PRKG1: variants seen among roughly 807,000 people sequenced by gnomAD.
The protein encoded by PRKG1 is cGMP-dependent protein kinase 1.
In PRKG1, 35 loss-of-function variants were observed where a neutral mutation model predicts 88.1. The ratio of observed to expected loss-of-function variants is 0.40; its 90% CI spans 0.30 to 0.53. PRKG1 has a LOEUF of 0.53. PRKG1 is among the 20% of genes least tolerant of loss of function. The pLI is 0.59. For missense variants in PRKG1, 540 were observed against 839.8 expected, an observed-to-expected ratio of 0.64 and a Z score of 4.41; for synonymous variants, 303 against 292.5, an observed-to-expected ratio of 1.04 and a Z score of -0.37.
At chr10:51,676,171 C>A (rs1488749783) in intron 3 of PRKG1, among the ~76,000 whole-genome samples, 2 of 151,458 alleles carry the variant, frequency 1.3e-5, no homozygotes, top group African/African-American at 2.4e-5. Flanking sequence ...GAGTAGCAAC[C>A]AGACACATGT....
intron 14 of PRKG1, among the ~76,000 whole-genome samples, chr10:52,284,899 G>A (rs952365680): frequency 6.6e-6 from 1 of 152,062 alleles, no homozygotes; most frequent in Non-Finnish European, 1.5e-5. Flanking sequence ...ATGTGGTGGG[G>A]CTTTGTATGA....
At chr10:51,416,408 C>A (rs1838239015) in intron 2 of PRKG1, among the ~76,000 whole-genome samples, 1 of 152,118 alleles carries the variant, frequency 6.6e-6, no homozygotes, top group Non-Finnish European at 1.5e-5. Context: ...ATGAAAACTT[C>A]TGGATCTTGA....
At chr10:51,648,115 T>C (rs1189912678) in intron 3 of PRKG1, among the ~76,000 whole-genome samples, 1 of 152,094 alleles carries the variant, frequency 6.6e-6, no homozygotes, top group East Asian at 1.9e-4. Context: ...CTATGTAATC[T>C]TTCATGTCTA....
chr10:51,432,538 TG>T (rs1303184243), intron 2 of PRKG1, among the ~76,000 whole-genome samples: 4 of 152,182 alleles, frequency 2.6e-5, no homozygotes, highest in Non-Finnish European at 5.9e-5. Context: ...ATGTGCCTTG[TG>T]AATTCCTAAT....
At chr10:51,475,811 T>G (rs184522037) in intron 3 of PRKG1, among the ~76,000 whole-genome samples, 2 of 152,122 alleles carry the variant, frequency 1.3e-5, no homozygotes, top group African/African-American at 4.8e-5. Flanking sequence ...ACTTTTAGAT[T>G]TATTAAACTT....
chr10:51,403,657 C>A (rs1459142730), intron 2 of PRKG1, among the ~76,000 whole-genome samples: 1 of 152,086 alleles, frequency 6.6e-6, no homozygotes, highest in Non-Finnish European at 1.5e-5. Context: ...TAAATAAATC[C>A]TTTTATTTAA....
At chr10:51,366,522 A>G (rs1296327222) in intron 2 of PRKG1, among the ~76,000 whole-genome samples, 1 of 151,932 alleles carries the variant, frequency 6.6e-6, no homozygotes, top group Non-Finnish European at 1.5e-5. Context: ...ACTCTTTTCT[A>G]TAAATTAGTA....
chr10:51,765,069 A>C (rs1449533271), intron 3 of PRKG1, among the ~76,000 whole-genome samples: 1 of 152,222 alleles, frequency 6.6e-6, no homozygotes. Context: ...ATAGCAGCTC[A>C]CATGGACTAA....
At chr10:52,021,737 ATGT>A (rs1750652706) in intron 5 of PRKG1, among the ~76,000 whole-genome samples, 2 of 152,028 alleles carry the variant, frequency 1.3e-5, no homozygotes, top group African/African-American at 2.4e-5. Context: ...GATGATGTTG[ATGT>A]TGTTGACGAT....
At chr10:51,623,383 G>A (rs1021032566) in intron 3 of PRKG1, among the ~76,000 whole-genome samples, 7 of 152,046 alleles carry the variant, frequency 4.6e-5, no homozygotes, top group African/African-American at 1.7e-4. Context: ...TTAACTATTT[G>A]TAGAGACGGG....
rs369528156 is a variant in PRKG1, at chr10:51,668,112, C to T, written c.593-136473C>T. The stretch of plus-strand genomic sequence containing the variant: ...CTATTGGGAGAGAAGAACATTGTGC[C>T]TACAGTTAGTGAGCTGGAGCTGAGA... On this transcript the variant is annotated intron_variant, in intron 3 of 17. Transcript: ENST00000373980. Among the ~76,000 whole-genome samples, 3 of 152,154 alleles carry T rather than the reference C, an allele frequency of 2.0e-5. No homozygotes were observed. The South Asian group carries it at 6.2e-4, about 32-fold the overall frequency.
At chr10:51,831,265 T>G (rs1351570211) in intron 4 of PRKG1, among the ~76,000 whole-genome samples, 1 of 152,168 alleles carries the variant, frequency 6.6e-6, no homozygotes, top group African/African-American at 2.4e-5. Flanking sequence ...ATTTATGTAT[T>G]TATTTTTTTC....
chr10:51,788,117 A>G lies in PRKG1; in HGVS notation c.593-16468A>G, dbSNP rs542835920. Among the ~76,000 whole-genome samples the G allele has an allele frequency of 6.2e-4, 94 of 152,348 alleles. 1 individual carries two copies. The highest frequency in any genetic ancestry group is 2.7e-3 in the South Asian group (13 of 4,830). On this transcript the variant is annotated intron_variant, in intron 3 of 17. Coordinates refer to ENST00000373980, the MANE Select transcript of PRKG1 (RefSeq NM_006258.4). ...AGGAGTATGTTTAGTGTGTTTAAAC[A>G]GAATCTTTCTAGAAGTCATTCAGAT... is the stretch of plus-strand genomic sequence containing the variant.
At chr10:51,355,866 G>T (rs767871635) in intron 2 of PRKG1, among the ~76,000 whole-genome samples, 2 of 151,942 alleles carry the variant, frequency 1.3e-5, no homozygotes, top group African/African-American at 2.4e-5. Context: ...TGCCACCATC[G>T]CATTTATGTT....
chr10:52,025,015 C>T (rs1320644597), intron 5 of PRKG1, among the ~76,000 whole-genome samples: 10 of 152,096 alleles, frequency 6.6e-5, no homozygotes, highest in African/African-American at 1.9e-4. Flanking sequence ...TTTTAATGAT[C>T]GCCATTCTAA....
intron 4 of PRKG1, among the ~76,000 whole-genome samples, chr10:51,858,911 A>G (rs1840791761): frequency 6.6e-6 from 1 of 151,990 alleles, no homozygotes; most frequent in Admixed American, 6.6e-5. Context: ...TTTCTCCTGG[A>G]CCCACCTCTG....
intron 5 of PRKG1, among the ~76,000 whole-genome samples, chr10:51,917,232 T>C (rs942939649): frequency 6.6e-6 from 1 of 151,654 alleles, no homozygotes; most frequent in Non-Finnish European, 1.5e-5. Context: ...GGGAAGAGAA[T>C]TGCTTGAACC....
intron 9 of PRKG1, among the ~76,000 whole-genome samples, chr10:52,194,699 G>T (rs1288405949): frequency 1.3e-5 from 2 of 152,020 alleles, no homozygotes; most frequent in African/African-American, 4.8e-5. Flanking sequence ...TTTCAATTTA[G>T]CTATCAATGC....
At chr10:51,277,365 C>A (rs916727685) in intron 2 of PRKG1, among the ~76,000 whole-genome samples, 2 of 152,228 alleles carry the variant, frequency 1.3e-5, no homozygotes, top group Admixed American at 1.3e-4. Context: ...GTTACTGTAG[C>A]CTTGTAGTAT....
Sources: allele counts gnomAD v4.1 joint callset (sites outside exome capture counted in the v4.1 genomes callset), GRCh38; gene constraint gnomAD v4.1.1; transcripts MANE v1.5; gene names NCBI Gene and HGNC (gene_info 2026-07-23, HGNC 2026-07-21).